The following SLX4IP variants were observed in gnomAD, a reference collection of about 807,000 sequenced individuals.
SLX4IP encodes SLX4 interacting protein, also known as protein SLX4IP.
SLX4IP carries 34 observed loss-of-function variants against 32.9 expected under a neutral mutation model. That is an observed-to-expected ratio of 1.03 (90% confidence interval 0.79 to 1.38). SLX4IP has a LOEUF of 1.38. Among genes scored for constraint, SLX4IP ranks in the 40% most tolerant of loss-of-function variants. The probability of loss-of-function intolerance (pLI) is 0.00; values close to 1 mark genes in which losing one functional copy is unlikely to be tolerated. For synonymous variants in SLX4IP, 172 were observed against 171.7 expected, an observed-to-expected ratio of 1.00 and a Z score of -0.01; for missense variants, 444 against 479.0, an observed-to-expected ratio of 0.93 and a Z score of 0.68.
chr20:10,479,700 C>G (rs1315018988), intron 2 of SLX4IP, among the ~76,000 whole-genome samples: 1 of 149,990 alleles, frequency 6.7e-6, no homozygotes, highest in Non-Finnish European at 1.5e-5. Context: ...CATCCAGGCT[C>G]TTATTTAAAA....
chr20:10,517,209 A>G (rs6032893), intron 2 of SLX4IP, among the ~76,000 whole-genome samples: 86,873 of 151,672 alleles, frequency 0.57, 25,457 homozygotes, highest in South Asian at 0.72. Context: ...GACTGTCATC[A>G]AACCCTCACA....
At chr20:10,581,313 C>T (rs1364621921) in intron 4 of SLX4IP, among the ~76,000 whole-genome samples, 3 of 152,060 alleles carry the variant, frequency 2.0e-5, no homozygotes, top group South Asian at 2.1e-4. Context: ...TCATACAGAA[C>T]CTTACAGGTG....
chr20:10,563,761 C>G (rs539772808), intron 4 of SLX4IP, among the ~76,000 whole-genome samples: 2 of 152,272 alleles, frequency 1.3e-5, no homozygotes, highest in Admixed American at 6.5e-5. Context: ...TTCCATTGCT[C>G]TATGTGTCTG....
intron 4 of SLX4IP, among the ~76,000 whole-genome samples, chr20:10,569,153 G>C (rs2066430792): frequency 6.6e-6 from 1 of 151,684 alleles, no homozygotes; most frequent in Admixed American, 6.6e-5. Flanking sequence ...TGGCAAGTCA[G>C]GTCCCTGTGC....
chr20:10,479,823 G>A (rs1030120694), intron 2 of SLX4IP, among the ~76,000 whole-genome samples: 3 of 151,174 alleles, frequency 2.0e-5, no homozygotes, highest in Non-Finnish European at 4.4e-5. Context: ...GGCCAATGTG[G>A]TGAAACCCCG....
At chr20:10,616,344 A>G (rs551969128) in intron 6 of SLX4IP, among the ~76,000 whole-genome samples, 24 of 150,856 alleles carry the variant, frequency 1.6e-4, no homozygotes, top group African/African-American at 5.9e-4. Context: ...TCCCTCTACA[A>G]CGCCCAAGGT....
intron 2 of SLX4IP, among the ~76,000 whole-genome samples, chr20:10,464,180 G>GT (rs1020656766): frequency 1.2e-4 from 18 of 152,012 alleles, no homozygotes; most frequent in Non-Finnish European, 1.3e-4. Flanking sequence ...AGGCCATTTT[G>GT]TTTTTTTGTT....
At chr20:10,603,217 T>C (rs930743800) in intron 6 of SLX4IP, among the ~76,000 whole-genome samples, 8 of 152,178 alleles carry the variant, frequency 5.3e-5, no homozygotes, top group African/African-American at 1.9e-4. Context: ...TCAAATGAAA[T>C]ACAGGAGAAA....
intron 2 of SLX4IP, among the ~76,000 whole-genome samples, chr20:10,492,506 G>T (rs1402637572): frequency 1.3e-5 from 2 of 151,844 alleles, no homozygotes; most frequent in Non-Finnish European, 2.9e-5. Flanking sequence ...TCATTTTTCT[G>T]CAGGACTGTT....
chr20:10,512,618 A>G (rs2122432407), intron 2 of SLX4IP, among the ~76,000 whole-genome samples: 1 of 143,658 alleles, frequency 7.0e-6, no homozygotes, highest in Non-Finnish European at 1.5e-5. Flanking sequence ...AAATATATAT[A>G]GTATTATATA....
At chr20:10,584,605 C>T (rs1156909506) in intron 4 of SLX4IP, among the ~76,000 whole-genome samples, 2 of 152,166 alleles carry the variant, frequency 1.3e-5, no homozygotes, top group Non-Finnish European at 2.9e-5. Flanking sequence ...TTCTCTGGCT[C>T]TCACCCCAGG....
chr20:10,560,290 C>T lies in SLX4IP; in HGVS notation c.118-410C>T, dbSNP rs759461865. 1.1e-3 allele frequency among the ~76,000 whole-genome samples: 170 copies of T among 152,208 alleles called. 8 individuals carry two copies. Among genetic ancestry groups the T allele is most frequent in the Non-Finnish European group, 2.9e-4 (20 of 68,038 alleles). On this transcript the variant is annotated intron_variant, in intron 3 of 7. Transcript: ENST00000334534. Reference sequence around the variant, plus strand: ...GCCACACTGGGTGTTTCCCTGGGGCCCTTGATGCCAGCCAGTGTTGGCTCT... The same window carrying T: ...GCCACACTGGGTGTTTCCCTGGGGCTCTTGATGCCAGCCAGTGTTGGCTCT...
chr20:10,586,661 A>G (rs542941687), intron 4 of SLX4IP, among the ~76,000 whole-genome samples: 1 of 152,182 alleles, frequency 6.6e-6, no homozygotes, highest in African/African-American at 2.4e-5. Context: ...AATATTAGGA[A>G]TAGAAGTATT....
At chr20:10,447,320 C>T (rs1329832504) in intron 1 of SLX4IP, among the ~76,000 whole-genome samples, 1 of 152,150 alleles carries the variant, frequency 6.6e-6, no homozygotes, top group Non-Finnish European at 1.5e-5. Context: ...AGCAGTTTTG[C>T]AAGCCCCATC....
intron 2 of SLX4IP, among the ~76,000 whole-genome samples, chr20:10,507,394 G>C (rs2065768619): frequency 6.6e-6 from 1 of 152,136 alleles, no homozygotes; most frequent in South Asian, 2.1e-4. Context: ...GGAAAGGTGG[G>C]AAGAGATTGC....
chr20:10,479,310 G>A (rs1056655864), intron 2 of SLX4IP, among the ~76,000 whole-genome samples: 1 of 150,972 alleles, frequency 6.6e-6, no homozygotes, highest in Non-Finnish European at 1.5e-5. Flanking sequence ...AATGCATAAA[G>A]AAGAAAAATT....
At chr20:10,462,333 G>A (rs2065344667) in intron 2 of SLX4IP, among the ~76,000 whole-genome samples, 1 of 152,218 alleles carries the variant, frequency 6.6e-6, no homozygotes, top group African/African-American at 2.4e-5. Flanking sequence ...TGAAAGAGCT[G>A]TGAGTGAATA....
chr20:10,624,159 T>G lies in SLX4IP; in HGVS notation c.*780T>G, dbSNP rs2067147663. The G allele has an allele frequency of 6.6e-6, 1 of 152,256 alleles. No individual in the cohort carries two copies. The highest frequency in any genetic ancestry group is 1.5e-5 in the Non-Finnish European group (1 of 68,072). The allele number at this position is 152,256 out of a possible 1,614,324, so 9.4% of individuals were successfully genotyped here. ...GGCAGCCATGGCACCCATGAAGGTG[T>G]TACTTTCCCTTATAATTGTTGAAGT... On this transcript the variant is annotated 3_prime_UTR_variant, in exon 8 of 8. Coordinates refer to ENST00000334534, the MANE Select transcript of SLX4IP (RefSeq NM_001009608.3).
At chr20:10,436,697 C>T (rs1244775137) in intron 1 of SLX4IP, among the ~76,000 whole-genome samples, 1 of 152,166 alleles carries the variant, frequency 6.6e-6, no homozygotes. Flanking sequence ...ACTAGATTCA[C>T]AGTGTATTAT....
Sources: allele counts gnomAD v4.1 joint callset (sites outside exome capture counted in the v4.1 genomes callset), GRCh38; gene constraint gnomAD v4.1.1; transcripts MANE v1.5; gene names NCBI Gene and HGNC (gene_info 2026-07-23, HGNC 2026-07-21).